Variants in ZCCHC7 observed in about 807,000 individuals in gnomAD.
ZCCHC7 encodes the protein zinc finger CCHC-type containing 7, also known as zinc finger CCHC domain-containing protein 7.
In ZCCHC7, 35 loss-of-function variants were observed where a neutral mutation model predicts 52.0. The observed-to-expected ratio is 0.67, with a 90% CI of 0.51 to 0.89. The LOEUF (loss-of-function observed/expected upper bound fraction) is 0.89. ZCCHC7 is among the 40% of genes least tolerant of loss of function. ZCCHC7 has a pLI of 0.00. For missense variants in ZCCHC7, 574 were observed against 649.1 expected (o/e 0.88, Z 1.26); for synonymous variants, 217 against 221.5 (o/e 0.98, Z 0.18).
intron 2 of ZCCHC7, among the ~76,000 whole-genome samples, chr9:37,129,885 C>G (rs1193195237): frequency 6.6e-6 from 1 of 152,166 alleles, no homozygotes; most frequent in East Asian, 1.9e-4. Context: ...TATTGAGCAT[C>G]TCCTCTATGT....
intron 2 of ZCCHC7, among the ~76,000 whole-genome samples, chr9:37,215,219 T>C (rs1397115153): frequency 6.6e-6 from 1 of 152,160 alleles, no homozygotes; most frequent in African/African-American, 2.4e-5. Flanking sequence ...TGGTAAAAGC[T>C]GATGGATTCC....
At chr9:37,182,375 G>A (rs1178497677) in intron 2 of ZCCHC7, among the ~76,000 whole-genome samples, 1 of 137,590 alleles carries the variant, frequency 7.3e-6, no homozygotes, top group African/African-American at 2.8e-5. Flanking sequence ...TTTTTGAGAT[G>A]TAGTCTTGCT....
At chr9:37,268,127 G>C (rs1448562741) in intron 2 of ZCCHC7, among the ~76,000 whole-genome samples, 1 of 152,164 alleles carries the variant, frequency 6.6e-6, no homozygotes, top group Non-Finnish European at 1.5e-5. Context: ...CCTCAGAGCA[G>C]GGACTGTGTT....
chr9:37,336,233 C>T (rs577617263), intron 6 of ZCCHC7, among the ~76,000 whole-genome samples: 1 of 152,298 alleles, frequency 6.6e-6, no homozygotes, highest in East Asian at 1.9e-4. Flanking sequence ...AGACTTCCAG[C>T]TGTATTCTCA....
intron 1 of ZCCHC7, among the ~76,000 whole-genome samples, chr9:37,121,848 T>C (rs1842328475): frequency 6.6e-6 from 1 of 152,236 alleles, no homozygotes; most frequent in Admixed American, 6.5e-5. Context: ...GTTTGTCTTT[T>C]GTGACTTTTG....
At chr9:37,199,666 GTCTTTCTC>G (rs1564174070) in intron 2 of ZCCHC7, among the ~76,000 whole-genome samples, 17 of 122,850 alleles carry the variant, frequency 1.4e-4, no homozygotes, top group South Asian at 5.1e-4. Context: ...CTGTCTGTCT[GTCTTTCTC>G]TCTGTCTGTC....
intron 2 of ZCCHC7, among the ~76,000 whole-genome samples, chr9:37,185,400 T>C (rs1197532830): frequency 6.6e-6 from 1 of 152,228 alleles, no homozygotes. Context: ...AATAAGATGA[T>C]GTATTATTTT....
At chr9:37,312,930 G>A (rs1053079647) in intron 5 of ZCCHC7, among the ~76,000 whole-genome samples, 40 of 152,230 alleles carry the variant, frequency 2.6e-4, no homozygotes, top group African/African-American at 8.9e-4. Flanking sequence ...TTAAAATGCC[G>A]CCTCCCCAAC....
At chr9:37,314,718 C>G (rs984826074) in intron 5 of ZCCHC7, among the ~76,000 whole-genome samples, 11 of 146,624 alleles carry the variant, frequency 7.5e-5, no homozygotes, top group African/African-American at 2.5e-4. Flanking sequence ...TCAAGTCCAA[C>G]CTGGGCAACA....
chr9:37,197,083 C>G (rs1191077538), intron 2 of ZCCHC7, among the ~76,000 whole-genome samples: 2 of 152,070 alleles, frequency 1.3e-5, no homozygotes, highest in African/African-American at 4.8e-5. Context: ...AAGAAAAGGT[C>G]ACTATGTTTT....
rs142687936 is a variant in ZCCHC7, at chr9:37,238,052, T to C, written c.611-64136T>C. Among the ~76,000 whole-genome samples, 124 of 152,290 alleles carry C rather than the reference T, an allele frequency of 8.1e-4. 1 individual carries two copies. Among genetic ancestry groups the C allele is most frequent in the African/African-American group, 2.8e-3 (117 of 41,564 alleles). The stretch of plus-strand genomic sequence containing the variant: ...ATTTAGCTTTCAGAGTTTTGTTTTG[T>C]TTTTCCTAATTGCCTTGATGATCAG... On this transcript the variant is annotated intron_variant, in intron 2 of 8. Coordinates refer to ENST00000336755, the MANE Select transcript of ZCCHC7 (RefSeq NM_032226.3).
intron 2 of ZCCHC7, among the ~76,000 whole-genome samples, chr9:37,211,077 A>G (rs1366470387): frequency 1.3e-5 from 2 of 152,230 alleles, no homozygotes; most frequent in Non-Finnish European, 2.9e-5. Context: ...GGTTAGCTGG[A>G]ACAGTGTGAC....
intron 2 of ZCCHC7, among the ~76,000 whole-genome samples, chr9:37,289,976 C>T (rs894291058): frequency 3.9e-5 from 6 of 152,194 alleles, no homozygotes; most frequent in African/African-American, 1.4e-4. Context: ...GAAGGGTATT[C>T]TGTCTACCCT....
intron 2 of ZCCHC7, among the ~76,000 whole-genome samples, chr9:37,254,031 T>C (rs780048806): frequency 1.3e-5 from 2 of 151,992 alleles, no homozygotes. Flanking sequence ...AATAGTAATA[T>C]ATGAGTGTTA....
chr9:37,198,109 A>G (rs955307371), intron 2 of ZCCHC7, among the ~76,000 whole-genome samples: 5 of 152,128 alleles, frequency 3.3e-5, no homozygotes, highest in South Asian at 2.1e-4. Flanking sequence ...CTGTTTTCCA[A>G]CCACTCTGGC....
chr9:37,207,637 A>T (rs890623474), intron 2 of ZCCHC7, among the ~76,000 whole-genome samples: 31 of 150,828 alleles, frequency 2.1e-4, no homozygotes, highest in African/African-American at 6.8e-4. Context: ...TGCTCTGTTT[A>T]AAACAAAAAA....
intron 2 of ZCCHC7, among the ~76,000 whole-genome samples, chr9:37,140,457 C>G (rs950916504): frequency 6.6e-6 from 1 of 151,864 alleles, no homozygotes; most frequent in Non-Finnish European, 1.5e-5. Context: ...ATTATTGGTT[C>G]TTCTGTGTAT....
intron 2 of ZCCHC7, among the ~76,000 whole-genome samples, chr9:37,238,782 G>A (rs1218813153): frequency 1.3e-5 from 2 of 152,044 alleles, no homozygotes; most frequent in Non-Finnish European, 2.9e-5. Context: ...GAATAAATGT[G>A]ATGGCAGCAA....
chr9:37,134,254 T>A (rs1842911903), intron 2 of ZCCHC7, among the ~76,000 whole-genome samples: 1 of 152,180 alleles, frequency 6.6e-6, no homozygotes, highest in African/African-American at 2.4e-5. Flanking sequence ...TCTTCCTTTT[T>A]TTAATTTCTT....
Sources: gnomAD v4.1 joint callset for allele counts (sites outside exome capture counted in the v4.1 genomes callset) on GRCh38, gnomAD v4.1.1 for gene constraint, MANE v1.5 for transcripts, NCBI Gene and HGNC (gene_info 2026-07-23, HGNC 2026-07-21) for gene names.